The following OSBPL9 variants were observed in gnomAD, a reference collection of about 807,000 sequenced individuals.
The protein encoded by OSBPL9 is oxysterol-binding protein-related protein 9.
OSBPL9 carries 40 observed loss-of-function variants against 106.6 expected under a neutral mutation model. That is an observed-to-expected ratio of 0.38 (90% CI 0.29 to 0.49). OSBPL9 has a LOEUF of 0.49. Ranked by LOEUF, OSBPL9 falls within the 20% of genes least tolerant of loss-of-function variation. The probability of loss-of-function intolerance (pLI) is 0.97; values close to 1 mark genes in which losing one functional copy is unlikely to be tolerated. For missense variants in OSBPL9, 609 were observed against 887.2 expected (o/e 0.69, Z 3.98); for synonymous variants, 269 against 295.4 (o/e 0.91, Z 0.92).
chr1:51,784,183 T>C, intron 18 of OSBPL9, 81 bp from the exon 19 acceptor site: 1 of 1,484,950 alleles, frequency 6.7e-7, no homozygotes, highest in Non-Finnish European at 9.4e-7. Context: ...TGGAGTATCC[T>C]GGAGTAACCA....
intron 14 of OSBPL9, among the ~76,000 whole-genome samples, chr1:51,775,305 C>A (rs997402495): frequency 6.6e-6 from 1 of 152,028 alleles, no homozygotes; most frequent in African/African-American, 2.4e-5. Context: ...ACTGATTAAT[C>A]CCTGTCACAC....
At chr1:51,536,235 T>C in the OSBPL9 span, among the ~76,000 whole-genome samples, 1 of 152,192 alleles carries the variant, frequency 6.6e-6, no homozygotes, top group Non-Finnish European at 1.5e-5. Flanking sequence ...CCCCATCAGG[T>C]TCTGATCCAG....
intron 1 of OSBPL9, among the ~76,000 whole-genome samples, chr1:51,651,426 A>C (rs1245857797): frequency 1.3e-5 from 2 of 152,210 alleles, no homozygotes; most frequent in South Asian, 2.1e-4. Context: ...AACATGGTGA[A>C]ACCCCGTCTC....
chr1:51,598,091 A>G (rs1405275023), intron 1 of OSBPL9: 1 of 152,276 alleles, frequency 6.6e-6, no homozygotes, highest in Non-Finnish European at 1.5e-5. Flanking sequence ...AGTTCTCTCA[A>G]TATAAACAAC....
upstream of OSBPL9, chr1:51,616,999 G>T (rs1570550140): frequency 2.7e-6 from 4 of 1,505,352 alleles, no homozygotes; most frequent in Non-Finnish European, 3.5e-6. Flanking sequence ...TGCCGGCACC[G>T]CCCAGGACCC....
intron 1 of OSBPL9, among the ~76,000 whole-genome samples, chr1:51,597,419 ATATATGTGTGTG>A (rs1229293061): frequency 1.0e-5 from 1 of 98,324 alleles, no homozygotes; most frequent in Non-Finnish European, 2.5e-5. Flanking sequence ...GTATATATAT[ATATATGTGTGTG>A]TGTGTGTGTG....
rs371994580 is a variant in OSBPL9 at position 51,743,294 on chromosome 1, G to A, written c.319-2242G>A. 7.2e-5 allele frequency among the ~76,000 whole-genome samples: 11 copies of A among 152,274 alleles called. 1 individual carries two copies. The highest frequency in any genetic ancestry group is 2.6e-4 in the African/African-American group (11 of 41,556). Reference sequence around the variant, plus strand: ...CTTGTGAAGTGTGAAGTTTATTCTAGAGTTAAAAGAAGGTTATGGAAGACT... The same window carrying A: ...CTTGTGAAGTGTGAAGTTTATTCTAAAGTTAAAAGAAGGTTATGGAAGACT... On this transcript the variant is annotated intron_variant, in intron 4 of 23. Coordinates refer to ENST00000428468, the MANE Select transcript of OSBPL9 (RefSeq NM_024586.6).
chr1:51,728,128 G>A (rs1446578489), intron 4 of OSBPL9, among the ~76,000 whole-genome samples: 2 of 152,198 alleles, frequency 1.3e-5, no homozygotes, highest in African/African-American at 4.8e-5. Context: ...GTACTACAAG[G>A]TAAAAGATGG....
At chr1:51,606,075 T>C (rs1165441791) in intron 2 of OSBPL9, among the ~76,000 whole-genome samples, 2 of 151,942 alleles carry the variant, frequency 1.3e-5, no homozygotes, top group African/African-American at 2.4e-5. Flanking sequence ...TCACAGTCAG[T>C]GTGGAGGCTA....
At chr1:51,618,857 T>TA (rs1341220556) in intron 1 of OSBPL9, among the ~76,000 whole-genome samples, 1 of 152,198 alleles carries the variant, frequency 6.6e-6, no homozygotes, top group African/African-American at 2.4e-5. Flanking sequence ...GATGCCAAAT[T>TA]ATTGACTTTT....
At chr1:51,653,710 C>T (rs908954740) in intron 2 of OSBPL9, among the ~76,000 whole-genome samples, 4 of 152,188 alleles carry the variant, frequency 2.6e-5, no homozygotes, top group African/African-American at 9.6e-5. Context: ...GTTGAAGAAT[C>T]TGGACCGGCT....
intron 4 of OSBPL9, among the ~76,000 whole-genome samples, chr1:51,717,929 A>G (rs974024804): frequency 4.6e-5 from 7 of 152,232 alleles, no homozygotes; most frequent in African/African-American, 9.6e-5. Flanking sequence ...TTGCAGCACT[A>G]TTCACAATAG....
chr1:51,538,595 A>T, the OSBPL9 span: 1 of 152,174 alleles, frequency 6.6e-6, no homozygotes, highest in African/African-American at 2.4e-5. Context: ...GTAAAGGTAA[A>T]CATTGTCACA....
chr1:51,634,450 G>A (rs1645295659), intron 1 of OSBPL9, among the ~76,000 whole-genome samples: 1 of 152,200 alleles, frequency 6.6e-6, no homozygotes, highest in Non-Finnish European at 1.5e-5. Context: ...TGTCGAGGTT[G>A]TAGGGAAGTT....
chr1:51,749,325 T>C (rs901694622), intron 7 of OSBPL9, among the ~76,000 whole-genome samples: 1 of 152,136 alleles, frequency 6.6e-6, no homozygotes, highest in Non-Finnish European at 1.5e-5. Context: ...TTTTATTTTT[T>C]TTTAAGAAAC....
At chr1:51,545,359 T>C in the OSBPL9 span, among the ~76,000 whole-genome samples, 1 of 152,056 alleles carries the variant, frequency 6.6e-6, no homozygotes, top group Non-Finnish European at 1.5e-5. Context: ...TCTTAAAATA[T>C]ACAGAACTCA....
At chr1:51,730,043 C>T (rs1201712735) in intron 4 of OSBPL9, 2 of 1,293,408 alleles carry the variant, frequency 1.5e-6, no homozygotes, top group Non-Finnish European at 2.0e-6. Flanking sequence ...CCGGCCCCTA[C>T]CCCTGAGTCC....
chr1:51,713,520 A>T (rs1015986034), intron 3 of OSBPL9, among the ~76,000 whole-genome samples: 2 of 152,188 alleles, frequency 1.3e-5, no homozygotes, highest in African/African-American at 4.8e-5. Context: ...TAGAGTTCTC[A>T]TATACCAGCT....
chr1:51,731,797 T>C (rs1664516033), intron 4 of OSBPL9, among the ~76,000 whole-genome samples: 1 of 150,880 alleles, frequency 6.6e-6, no homozygotes, highest in East Asian at 1.9e-4. Flanking sequence ...AAAAAAACTC[T>C]TAAAGAAAAA....
Sources: allele counts gnomAD v4.1 joint callset (sites outside exome capture counted in the v4.1 genomes callset), GRCh38; gene constraint gnomAD v4.1.1; transcripts MANE v1.5; gene names NCBI Gene and HGNC (gene_info 2026-07-23, HGNC 2026-07-21).